SHISAL2A: variants seen among roughly 807,000 people sequenced by gnomAD.
The protein encoded by SHISAL2A is shisa like 2A, also known as protein shisa-like-2A.
A neutral mutation model predicts 11.5 loss-of-function variants in SHISAL2A; 18 were observed. The ratio of observed to expected loss-of-function variants is 1.57; its 90% CI spans 1.08 to 2.33. SHISAL2A has a LOEUF of 2.33. Among genes scored for constraint, SHISAL2A ranks in the 30% most tolerant of loss-of-function variants. SHISAL2A has a pLI of 0.00. For missense variants in SHISAL2A, 261 were observed against 250.9 expected (o/e 1.04, Z -0.27); for synonymous variants, 94 against 99.6 (o/e 0.94, Z 0.34).
chr1:52,640,454 G>T (rs1028555018), intron 1 of SHISAL2A, among the ~76,000 whole-genome samples: 3 of 152,096 alleles, frequency 2.0e-5, no homozygotes, highest in Non-Finnish European at 4.4e-5. Flanking sequence ...TAGACAATGG[G>T]AGGATAAGGC....
intron 2 of SHISAL2A, among the ~76,000 whole-genome samples, chr1:52,646,994 T>C (rs1290155131): frequency 6.6e-6 from 1 of 152,138 alleles, no homozygotes; most frequent in Non-Finnish European, 1.5e-5. Context: ...CATGCCCAGC[T>C]AATTTTTTTT....
intron 1 of SHISAL2A, among the ~76,000 whole-genome samples, chr1:52,638,351 G>A (rs1024359642): frequency 3.5e-5 from 5 of 141,042 alleles, no homozygotes; most frequent in African/African-American, 1.5e-4. Context: ...CGGGTCCCAA[G>A]CAAAGCACAA....
intron 2 of SHISAL2A, among the ~76,000 whole-genome samples, chr1:52,652,105 G>A (rs1571694489): frequency 6.6e-6 from 1 of 152,276 alleles, no homozygotes; most frequent in African/African-American, 2.4e-5. Flanking sequence ...ATCAGAGGCA[G>A]GTGACTACTT....
At chr1:52,639,580 T>C (rs1039084670) in intron 1 of SHISAL2A, among the ~76,000 whole-genome samples, 2 of 151,932 alleles carry the variant, frequency 1.3e-5, no homozygotes, top group Middle Eastern at 3.4e-3. Context: ...GGTGAAACCC[T>C]GTCTCTATTA....
At chr1:52,654,974 G>A (rs1691758346) in intron 2 of SHISAL2A, among the ~76,000 whole-genome samples, 2 of 152,108 alleles carry the variant, frequency 1.3e-5, no homozygotes, top group Admixed American at 6.5e-5. Flanking sequence ...CTTGAGGTCA[G>A]GAGTTCAAGA....
At chr1:52,654,224 T>TAGATAG (rs1691737800) in intron 2 of SHISAL2A, among the ~76,000 whole-genome samples, 1 of 147,672 alleles carries the variant, frequency 6.8e-6, no homozygotes, top group Non-Finnish European at 1.5e-5. Flanking sequence ...ATGGCAGTTT[T>TAGATAG]ATAGATAGAT....
chr1:52,641,443 C>T (rs1052720935), intron 1 of SHISAL2A, among the ~76,000 whole-genome samples: 3 of 152,100 alleles, frequency 2.0e-5, no homozygotes, highest in Admixed American at 6.5e-5. Flanking sequence ...GAAAACCCCC[C>T]CATACATCTG....
At chr1:52,662,575 T>C (rs113785868) in intron 4 of SHISAL2A, among the ~76,000 whole-genome samples, 1 of 151,158 alleles carries the variant, frequency 6.6e-6, no homozygotes, top group South Asian at 2.1e-4. Flanking sequence ...GGTCTTGAAC[T>C]CCAGACCTCA....
chr1:52,650,071 A>C (rs2149884792), intron 2 of SHISAL2A, among the ~76,000 whole-genome samples: 1 of 152,300 alleles, frequency 6.6e-6, no homozygotes, highest in East Asian at 1.9e-4. Flanking sequence ...CCTATACTGC[A>C]GAATGACTTT....
chr1:52,652,965 CAAAAAAAAAAAAAAAAAA>C (rs36154490), intron 2 of SHISAL2A, among the ~76,000 whole-genome samples: 1 of 22,370 alleles, frequency 4.5e-5, no homozygotes, highest in Non-Finnish European at 6.7e-5. Context: ...GACTCTGTCT[CAAAAAAAAAAAAAAAAAA>C]AAAAAAAAAA....
At chr1:52,643,105 T>G in intron 2 of SHISAL2A, 103 bp downstream of exon 2, 1 of 1,189,942 alleles carries the variant, frequency 8.4e-7, no homozygotes, top group African/African-American at 1.5e-5. Flanking sequence ...CTCATGACTA[T>G]TCCTGGAATA....
chr1:52,642,286 C>T (rs1176428780), intron 1 of SHISAL2A, among the ~76,000 whole-genome samples: 11 of 152,060 alleles, frequency 7.2e-5, no homozygotes, highest in Non-Finnish European at 1.0e-4. Context: ...TGCTGCTGAG[C>T]GGGGTCAGGT....
At chr1:52,632,948 T>C (rs1691157815), upstream of SHISAL2A, among the ~76,000 whole-genome samples, 1 of 152,074 alleles carries the variant, frequency 6.6e-6, no homozygotes, top group Non-Finnish European at 1.5e-5. Context: ...TTCACTCTCC[T>C]CACTGACCCC....
intron 2 of SHISAL2A, among the ~76,000 whole-genome samples, chr1:52,651,134 T>C (rs1373633538): frequency 6.6e-6 from 1 of 152,236 alleles, no homozygotes; most frequent in African/African-American, 2.4e-5. Flanking sequence ...AATAACTTTT[T>C]ATCGTCTACT....
At chr1:52,647,461 A>C (rs1443571543) in intron 2 of SHISAL2A, among the ~76,000 whole-genome samples, 1 of 152,204 alleles carries the variant, frequency 6.6e-6, no homozygotes, top group Non-Finnish European at 1.5e-5. Flanking sequence ...AAGATAAGAA[A>C]AATGTAATTT....
chr1:52,637,704 T>C (rs1485700908), intron 1 of SHISAL2A, among the ~76,000 whole-genome samples: 2 of 152,178 alleles, frequency 1.3e-5, no homozygotes, highest in African/African-American at 4.8e-5. Flanking sequence ...GAAACCTTTA[T>C]AAAGGAAGAA....
At chr1:52,650,029 C>T (rs1282242703) in intron 2 of SHISAL2A, among the ~76,000 whole-genome samples, 2 of 152,112 alleles carry the variant, frequency 1.3e-5, no homozygotes, top group African/African-American at 4.8e-5. Flanking sequence ...CCTTTGCCTC[C>T]CAGCCAGAGA....
At chr1:52,668,245 C>T (rs1558097561) in intron 5 of SHISAL2A, among the ~76,000 whole-genome samples, 1 of 152,148 alleles carries the variant, frequency 6.6e-6, no homozygotes, top group Non-Finnish European at 1.5e-5. Context: ...GGTAATTAGA[C>T]CTGGATAGAC....
chr1:52,650,469 T>C (rs957107301), intron 2 of SHISAL2A, among the ~76,000 whole-genome samples: 8 of 152,164 alleles, frequency 5.3e-5, no homozygotes, highest in African/African-American at 1.4e-4. Context: ...TGTACCCTCA[T>C]AGCTACTAAG....
Sources: allele counts gnomAD v4.1 joint callset (sites outside exome capture counted in the v4.1 genomes callset), GRCh38; gene constraint gnomAD v4.1.1; transcripts MANE v1.5; gene names NCBI Gene and HGNC (gene_info 2026-07-23, HGNC 2026-07-21).